CSDC2: variants seen among roughly 807,000 people sequenced by gnomAD.
CSDC2 encodes cold shock domain-containing protein C2.
Under a neutral mutation model 15.8 loss-of-function variants are expected in CSDC2, and 8 were observed. That is an observed-to-expected ratio of 0.51 (90% CI 0.30 to 0.92). The LOEUF (loss-of-function observed/expected upper bound fraction) is 0.92, where lower values mean the gene tolerates loss of function less well. Among genes scored for constraint, CSDC2 ranks in the 40% least tolerant of loss-of-function variants. CSDC2 has a pLI of 0.07. For synonymous variants in CSDC2, 96 were observed against 92.3 expected (o/e 1.04, Z -0.23); for missense variants, 195 against 213.3 (o/e 0.91, Z 0.53).
At chr22:41,568,487 G>A (rs140378446) in intron 1 of CSDC2, among the ~76,000 whole-genome samples, 1 of 152,280 alleles carries the variant, frequency 6.6e-6, no homozygotes, top group African/African-American at 2.4e-5. Context: ...CTTTCACCAT[G>A]TTGCCCCAGC....
At chr22:41,572,380 C>A (rs1310226670) in intron 2 of CSDC2, among the ~76,000 whole-genome samples, 1 of 77,582 alleles carries the variant, frequency 1.3e-5, no homozygotes, top group Non-Finnish European at 2.6e-5. Context: ...ACCCACCCAC[C>A]CACCCACCCA....
chr22:41,567,673 G>C (rs1426536584), intron 1 of CSDC2, among the ~76,000 whole-genome samples: 1 of 152,230 alleles, frequency 6.6e-6, no homozygotes, highest in Non-Finnish European at 1.5e-5. Flanking sequence ...TAGCAATACA[G>C]AGCCTGGACA....
chr22:41,573,676 C>T lies in CSDC2; in HGVS notation c.198C>T (p.Gly66=). 2 of 1,613,402 alleles carry T rather than the reference C, an allele frequency of 1.2e-6. No homozygotes were observed. The highest frequency in any genetic ancestry group is 4.5e-5 in the East Asian group (2 of 44,854). Reference sequence around the variant, plus strand: ...CCAGGACAGCCCGGGCCTCAGCTGGCCCCGTGTTCAAGGGCGTCTGTAAGC... The same window carrying T: ...CCAGGACAGCCCGGGCCTCAGCTGGTCCCGTGTTCAAGGGCGTCTGTAAGC... ...TYSATARASA[G]PVFKGVCKQF... is the part of the protein sequence containing the mutation. The change falls in exon 3 of 4, where the codon GGC becomes GGT. Residue 66 remains glycine, a synonymous_variant. Transcript: ENST00000306149.
chr22:41,573,847 C>CT, intron 3 of CSDC2, 70 bp downstream of exon 3: 1 of 1,533,526 alleles, frequency 6.5e-7, no homozygotes, highest in Non-Finnish European at 8.9e-7. Context: ...AAAAATGGCT[C>CT]TCCAGGCCTC....
chr22:41,573,795 C>T lies in CSDC2; in HGVS notation c.299+18C>T, dbSNP rs746593581. 6.2e-7 allele frequency: 1 copy of T among 1,605,864 alleles called. No individual in the cohort carries two copies. The highest frequency in any genetic ancestry group is 1.1e-5 in the South Asian group (1 of 90,788). On this transcript the variant is annotated intron_variant, in intron 3 of 3. Transcript: ENST00000306149. ...GTGTCTGAGTGAGTCCCCTCCACCT[C>T]CCTGTTCTTGGCCCCTGCCCTAGTG...
chr22:41,561,095 A>C lies in CSDC2; in HGVS notation c.-212A>C. Reference sequence around the variant, plus strand: ...ACACACACACACATCTTCCAGACCCATCCCCTGCCTGCCAGCTCCACGAGC... The same window carrying C: ...ACACACACACACATCTTCCAGACCCCTCCCCTGCCTGCCAGCTCCACGAGC... On this transcript the variant is annotated 5_prime_UTR_variant, in exon 1 of 4. Coordinates refer to ENST00000306149, the MANE Select transcript of CSDC2 (RefSeq NM_014460.4). 1 of 140,702 alleles carries C rather than the reference A, an allele frequency of 7.1e-6. No homozygotes were observed. The highest frequency in any genetic ancestry group is 2.4e-4 in the South Asian group (1 of 4,180). The allele number at this position is 140,702 out of a possible 1,614,324, so 8.7% of individuals were successfully genotyped here. A position where few individuals can be genotyped will look rare whatever the true frequency, so the allele number is the denominator to read the frequency against.
rs138820059 is a variant in CSDC2 at position 41,575,568 on chromosome 22, C to T, written c.*673C>T. On this transcript the variant is annotated 3_prime_UTR_variant, in exon 4 of 4. Coordinates refer to ENST00000306149, the MANE Select transcript of CSDC2 (RefSeq NM_014460.4). ...TGGGGCTCCCATTTCGCCGGCCAGT[C>T]CCTCCTCCTCAGCCTGGCAGTGGCG... 44 of 153,532 alleles carry T rather than the reference C, an allele frequency of 2.9e-4. No homozygotes were observed. In the East Asian group the frequency reaches 8.1e-3, roughly 28 times the overall value. 9.5% of individuals were successfully genotyped at this position (153,532 alleles called of 1,614,324 possible).
At chr22:41,561,604 G>A (rs1001116345) in intron 1 of CSDC2, among the ~76,000 whole-genome samples, 1 of 152,246 alleles carries the variant, frequency 6.6e-6, no homozygotes, top group African/African-American at 2.4e-5. Context: ...CCCCTGGAAT[G>A]TTGGGCTGGG....
intron 1 of CSDC2, among the ~76,000 whole-genome samples, chr22:41,570,283 T>C (rs751752240): frequency 6.6e-6 from 1 of 152,086 alleles, no homozygotes; most frequent in African/African-American, 2.4e-5. Context: ...GGGAGGGTTT[T>C]GGGAGGAGGG....
rs779248747 is a variant in CSDC2 at position 41,572,078 on chromosome 22, G to C, written c.113G>C (p.Gly38Ala). 2 of 1,363,322 alleles carry C rather than the reference G, an allele frequency of 1.5e-6. No individual in the cohort carries two copies. Among genetic ancestry groups the C allele is most frequent in the Non-Finnish European group, 1.9e-6 (2 of 1,054,114 alleles). 84.5% of individuals were successfully genotyped at this position (1,363,322 alleles called of 1,614,324 possible). A position where few individuals can be genotyped will look rare whatever the true frequency, so the allele number is the denominator to read the frequency against. Residue 38 changes from glycine (G) to alanine (A), a missense_variant, in exon 2 of 4, where the codon GGT (glycine) becomes GCT (alanine). By Grantham distance (60) the Gly-to-Ala change is moderately conservative (BLOSUM62 0). Coordinates refer to ENST00000306149, the MANE Select transcript of CSDC2 (RefSeq NM_014460.4). Reference protein sequence around the residue: ...HREGSRVWERGGVPPRDLPSP... With the variant: ...HREGSRVWERAGVPPRDLPSP... The stretch of plus-strand genomic sequence containing the variant: ...GAGGGCAGCAGGGTCTGGGAGCGGG[G>C]TGGTGTCCCACCTCGGGACCTACCC...
intron 1 of CSDC2, among the ~76,000 whole-genome samples, chr22:41,565,308 G>A (rs1460268090): frequency 6.6e-6 from 1 of 151,080 alleles, no homozygotes; most frequent in Non-Finnish European, 1.5e-5. Context: ...AAATTAATCG[G>A]GTGTGGTGGT....
At chr22:41,568,224 A>G (rs1352975834) in intron 1 of CSDC2, among the ~76,000 whole-genome samples, 1 of 146,448 alleles carries the variant, frequency 6.8e-6, no homozygotes, top group Non-Finnish European at 1.5e-5. Context: ...TCCTGGGCTC[A>G]AGCAGTCCTC....
intron 1 of CSDC2, among the ~76,000 whole-genome samples, chr22:41,566,029 G>T (rs1243804215): frequency 6.6e-6 from 1 of 152,080 alleles, no homozygotes; most frequent in Admixed American, 6.6e-5. Context: ...AGTTGGCCGG[G>T]CGCAGTGGCT....
intron 3 of CSDC2, 53 bp downstream of exon 3, chr22:41,573,830 G>A (rs931063265): frequency 6.4e-7 from 1 of 1,570,936 alleles, no homozygotes; most frequent in Non-Finnish European, 8.7e-7. Flanking sequence ...GTCCCCAATG[G>A]TGCCTCAAAA....
At chr22:41,563,647 C>T (rs1450541750) in intron 1 of CSDC2, among the ~76,000 whole-genome samples, 1 of 152,202 alleles carries the variant, frequency 6.6e-6, no homozygotes, top group African/African-American at 2.4e-5. Context: ...GGAGGGTGGG[C>T]GCCACCCTCA....
At chr22:41,573,634 A>G (rs1216262736) in intron 2 of CSDC2, 21 bp from the exon 3 acceptor site, 1 of 1,600,280 alleles carries the variant, frequency 6.2e-7, no homozygotes, top group Non-Finnish European at 8.5e-7. Context: ...CACAGCTCCA[A>G]TCCCACTACC....
intron 1 of CSDC2, among the ~76,000 whole-genome samples, chr22:41,568,066 A>T (rs1194336658): frequency 7.1e-6 from 1 of 141,456 alleles, no homozygotes; most frequent in African/African-American, 2.7e-5. Context: ...CCCACATCCC[A>T]CCTCAATTCT....
At chr22:41,568,308 G>A (rs895690280) in intron 1 of CSDC2, among the ~76,000 whole-genome samples, 3 of 151,136 alleles carry the variant, frequency 2.0e-5, no homozygotes, top group African/African-American at 7.3e-5. Context: ...TTTTAAGACA[G>A]TGTCTAACTT....
intron 1 of CSDC2, among the ~76,000 whole-genome samples, chr22:41,566,564 G>A (rs6002403): frequency 6.7e-6 from 1 of 149,948 alleles, no homozygotes; most frequent in Non-Finnish European, 1.5e-5. Context: ...CTGGGAGGCA[G>A]AGGTTGCAGT....
Sources: allele counts gnomAD v4.1 joint callset (sites outside exome capture counted in the v4.1 genomes callset), GRCh38; gene constraint gnomAD v4.1.1; transcripts MANE v1.5; gene names NCBI Gene and HGNC (gene_info 2026-07-23, HGNC 2026-07-21).